The following FAP variants were observed in gnomAD, a reference collection of about 807,000 sequenced individuals.
FAP encodes fibroblast activation protein alpha, also known as prolyl endopeptidase FAP.
A neutral mutation model predicts 126.5 loss-of-function variants in FAP; 110 were observed. The ratio of observed to expected loss-of-function variants is 0.87; its 90% CI spans 0.74 to 1.02. The LOEUF is 1.02. FAP is among the 50% of genes least tolerant of loss of function. The pLI is 0.00. For synonymous variants in FAP, 334 were observed against 297.3 expected, an observed-to-expected ratio of 1.12 and a Z score of -1.27; for missense variants, 919 against 909.2, an observed-to-expected ratio of 1.01 and a Z score of -0.14.
At chr2:162,194,909 G>T in intron 16 of FAP, 161 bp from the exon 17 acceptor site, 1 of 654,488 alleles carries the variant, frequency 1.5e-6, no homozygotes, top group Non-Finnish European at 2.8e-6. Context: ...TCACTTCTAA[G>T]TCACATTTAA....
chr2:162,193,026 G>A (rs187371521), intron 17 of FAP, among the ~76,000 whole-genome samples: 332 of 152,104 alleles, frequency 2.2e-3, no homozygotes, highest in African/African-American at 7.6e-3. Context: ...ACCTCCTTGA[G>A]GACAAGGACA....
chr2:162,194,798 TC>T (rs1205096126), intron 16 of FAP, 50 bp from the exon 17 acceptor site: 1 of 1,543,132 alleles, frequency 6.5e-7, no homozygotes, highest in Non-Finnish European at 9.0e-7. Flanking sequence ...AAATAACAAT[TC>T]CTTTTCAAGA....
intron 10 of FAP, 150 bp downstream of exon 10, chr2:162,215,748 T>A (rs1363892157): frequency 1.7e-6 from 1 of 585,728 alleles, no homozygotes; most frequent in East Asian, 2.9e-5. Context: ...GAAAAACCAA[T>A]TAAGGAAACT....
At chr2:162,201,937 C>T (rs1688514909) in intron 14 of FAP, among the ~76,000 whole-genome samples, 1 of 152,178 alleles carries the variant, frequency 6.6e-6, no homozygotes, top group African/African-American at 2.4e-5. Context: ...TGTCACTCCC[C>T]TTTACTCTAG....
At chr2:162,198,610 T>C in intron 16 of FAP, 147 bp downstream of exon 16, 1 of 1,056,458 alleles carries the variant, frequency 9.5e-7, no homozygotes, top group Non-Finnish European at 1.4e-6. Flanking sequence ...CCTATCCTCC[T>C]TTAATTTTTT....
chr2:162,194,016 A>G (rs573879959), intron 17 of FAP: 40 of 152,304 alleles, frequency 2.6e-4, no homozygotes, highest in African/African-American at 8.2e-4. Context: ...GCAATTAGAT[A>G]CTTGGACAAC....
At chr2:162,192,080 C>T (rs1343909283) in intron 17 of FAP, among the ~76,000 whole-genome samples, 2 of 152,130 alleles carry the variant, frequency 1.3e-5, no homozygotes, top group Admixed American at 6.6e-5. Context: ...TCCACTCATA[C>T]TCAAATGTTT....
At chr2:162,207,478 C>A (rs1194866595) in intron 12 of FAP, among the ~76,000 whole-genome samples, 1 of 152,080 alleles carries the variant, frequency 6.6e-6, no homozygotes, top group Non-Finnish European at 1.5e-5. Flanking sequence ...TCACATGTCC[C>A]AGATAAGTAA....
chr2:162,221,630 A>G (rs1689403399), intron 6 of FAP: 2 of 456,226 alleles, frequency 4.4e-6, no homozygotes, highest in Admixed American at 2.4e-5. Context: ...TTCTACATAC[A>G]GTGGAATTAT....
intron 21 of FAP, among the ~76,000 whole-genome samples, chr2:162,181,306 C>T (rs1687689012): frequency 6.6e-6 from 1 of 151,832 alleles, no homozygotes; most frequent in African/African-American, 2.4e-5. Flanking sequence ...AAAGGTGTAA[C>T]AATCATAGAG....
At position 162,204,537 on chromosome 2, in the gene FAP, T is replaced by G. The variant is rs934365424; in HGVS notation, c.1048-1392A>C. Among the ~76,000 whole-genome samples the G allele has an allele frequency of 4.6e-5, 7 of 152,112 alleles. No individual in the cohort carries two copies. The East Asian group carries it at 1.3e-3, about 29-fold the overall frequency. On this transcript the variant is annotated intron_variant, in intron 12 of 25. Transcript: ENST00000188790. The stretch of plus-strand genomic sequence containing the variant: ...CACTGAGAGATACAGGGAAGAAGAC[T>G]ATGTGAAGACAGAAGCAGGGATTAA...
At chr2:162,219,632 GT>G (rs1363603184) in intron 7 of FAP, among the ~76,000 whole-genome samples, 1 of 152,130 alleles carries the variant, frequency 6.6e-6, no homozygotes, top group Non-Finnish European at 1.5e-5. Context: ...TAAGGATAAA[GT>G]TTTTGACTGC....
intron 2 of FAP, among the ~76,000 whole-genome samples, chr2:162,231,527 C>T (rs553851480): frequency 6.6e-5 from 10 of 152,280 alleles, no homozygotes; most frequent in African/African-American, 1.7e-4. Flanking sequence ...CCCTTAACTT[C>T]GTTTTGGCCC....
Position 162,198,824 on chromosome 2 carries a change from T to C in FAP, c.1335A>G (p.Lys445=). 1 of 1,613,946 alleles carries C rather than the reference T, an allele frequency of 6.2e-7. No individual in the cohort carries two copies. Among genetic ancestry groups the C allele is most frequent in the Non-Finnish European group, 8.5e-7 (1 of 1,179,822 alleles). The change falls in exon 16 of 26, where the codon AAA becomes AAG. Residue 445 remains lysine, a synonymous_variant. Transcript: ENST00000188790. ...SKKCVTCHLR[K]ERCQYYTASF... is the part of the protein sequence containing the mutation. ...TTGCTGTGTAATATTGGCACCTTTCTTTCCTTAGATGGCAAGTAACACACT... is the reference window on the plus strand; with the variant it reads ...TTGCTGTGTAATATTGGCACCTTTCCTTCCTTAGATGGCAAGTAACACACT...
At position 162,230,756 on chromosome 2, in the gene FAP, A is replaced by C. The variant is rs371767502; in HGVS notation, c.92-4135T>G. Among the ~76,000 whole-genome samples, 11 of 151,056 alleles carry C rather than the reference A, an allele frequency of 7.3e-5. 1 individual carries two copies. Among genetic ancestry groups the C allele is most frequent in the African/African-American group, 2.4e-4 (10 of 41,520 alleles). The stretch of plus-strand genomic sequence containing the variant: ...ACTTATCTCAAACTTACTGAATCCA[A>C]ATCTCTGGGGGGTGGGGTCCTGGTA... On this transcript the variant is annotated intron_variant, in intron 2 of 25. Coordinates refer to ENST00000188790, the MANE Select transcript of FAP (RefSeq NM_004460.5).
rs1688858300 is a variant in FAP, at chr2:162,209,955, A to G, written c.1044T>C (p.Gly348=). 1 of 1,612,650 alleles carries G rather than the reference A, an allele frequency of 6.2e-7. No homozygotes were observed. The highest frequency in any genetic ancestry group is 1.3e-5 in the African/African-American group (1 of 74,920). The change falls in exon 12 of 26, where the codon GGT becomes GGC. Residue 348 remains glycine, a synonymous_variant. Transcript: ENST00000188790. ...GAAAAAGATAGCAAAATCATACTCC[A>G]CCAGCCCATCCAGTTCTGCTTTCTT... ...HIEESRTGWA[G]GFFVSTPVFS...
intron 11 of FAP, among the ~76,000 whole-genome samples, chr2:162,212,487 C>T (rs1306947799): frequency 2.0e-5 from 3 of 152,110 alleles, no homozygotes; most frequent in Admixed American, 6.5e-5. Context: ...GATAAAAATA[C>T]GCTTCTAGCA....
Position 162,226,581 on chromosome 2 carries a change from C to A in FAP, c.132G>T (p.Leu44=). The A allele has an allele frequency of 6.2e-7, 1 of 1,600,030 alleles. No individual in the cohort carries two copies. Among genetic ancestry groups the A allele is most frequent in the South Asian group, 1.1e-5 (1 of 87,862 alleles). Residue 44 remains leucine, a synonymous_variant, in exon 3 of 26, where the codon CTG becomes CTT. Transcript: ENST00000188790. ...AAAATGTTCCATTTAAAATATCCTT[C>A]AGTGTGAGTGCTCTCATTGTATTTT... ...SEENTMRALT[L]KDILNGTFSY... is the part of the protein sequence containing the mutation.
rs551341428 is a variant in FAP at position 162,220,836 on chromosome 2, T to C, written c.414-911A>G. Among the ~76,000 whole-genome samples the C allele has an allele frequency of 1.7e-3, 260 of 152,284 alleles. 1 individual carries two copies. The highest frequency in any genetic ancestry group is 9.1e-4 in the Admixed American group (14 of 15,302). On this transcript the variant is annotated intron_variant, in intron 6 of 25. Transcript: ENST00000188790. The stretch of plus-strand genomic sequence containing the variant: ...TTTTTGACTTTTGTCATCTTGAAGA[T>C]TGTATTAACAGTTTCATCGAGACTG...
Sources: allele counts gnomAD v4.1 joint callset (sites outside exome capture counted in the v4.1 genomes callset), GRCh38; gene constraint gnomAD v4.1.1; transcripts MANE v1.5; gene names NCBI Gene and HGNC (gene_info 2026-07-23, HGNC 2026-07-21).